The following GABRG1 variants were observed in gnomAD, a reference collection of about 807,000 sequenced individuals.
GABRG1 encodes gamma-aminobutyric acid receptor subunit gamma-1.
Under a neutral mutation model 49.8 loss-of-function variants are expected in GABRG1, and 49 were observed. The ratio of observed to expected loss-of-function variants is 0.98; its 90% confidence interval spans 0.78 to 1.25. The LOEUF is 1.25. GABRG1 is among the 50% of genes most tolerant of loss of function. The pLI is 0.00. For missense variants in GABRG1, 552 were observed against 552.3 expected, an observed-to-expected ratio of 1.00 and a Z score of 0.01; for synonymous variants, 232 against 185.1, an observed-to-expected ratio of 1.25 and a Z score of -2.06.
In GABRG1 at chr4:46,039,305, C is replaced by T. The variant is rs1015274071; in HGVS notation, c.*1683G>A. The T allele has an allele frequency of 2.0e-5, 3 of 150,342 alleles. No individual in the cohort carries two copies. Among genetic ancestry groups the T allele is most frequent in the Admixed American group, 1.3e-4 (2 of 15,028 alleles). The allele number at this position is 150,342 out of a possible 1,614,324, so 9.3% of individuals were successfully genotyped here. A position where few individuals can be genotyped will look rare whatever the true frequency, so the allele number is the denominator to read the frequency against. On this transcript the variant is annotated 3_prime_UTR_variant, in exon 9 of 9. Transcript: ENST00000295452. ...CCATTTGATTCATGCTTATTTTTTT[C>T]CAGAAGTTTATGAGCAAGTGAAAAA...
intron 8 of GABRG1, 33 bp from the exon 9 acceptor site, chr4:46,041,287 A>C (rs1393352914): frequency 2.5e-6 from 4 of 1,599,626 alleles, no homozygotes; most frequent in Admixed American, 3.4e-5. Flanking sequence ...TTTTGACATC[A>C]AAAAAGTAGC....
intron 1 of GABRG1, among the ~76,000 whole-genome samples, chr4:46,106,910 T>A (rs1241923080): frequency 6.6e-6 from 1 of 151,224 alleles, no homozygotes; most frequent in Non-Finnish European, 1.5e-5. Context: ...ATTTAATCAT[T>A]TTTTTAATTA....
intron 3 of GABRG1, among the ~76,000 whole-genome samples, chr4:46,072,083 A>G (rs1560359009): frequency 1.3e-5 from 2 of 152,046 alleles, no homozygotes; most frequent in Non-Finnish European, 1.5e-5. Flanking sequence ...TTTATACCAT[A>G]TTTTTACTGT....
At chr4:46,091,696 T>A (rs1497577) in intron 2 of GABRG1, among the ~76,000 whole-genome samples, 69,951 of 151,730 alleles carry the variant, frequency 0.46, 16,427 homozygotes, top group Non-Finnish European at 0.5. Flanking sequence ...TGAGATGTAA[T>A]GACATAGCAG....
chr4:46,058,352 T>A lies in GABRG1; in HGVS notation c.781A>T (p.Thr261Ser). 1 of 1,611,586 alleles carries A rather than the reference T, an allele frequency of 6.2e-7. No individual in the cohort carries two copies. The highest frequency in any genetic ancestry group is 8.5e-7 in the Non-Finnish European group (1 of 1,179,006). Reference sequence around the variant, plus strand: ...CTTCTGCTCAGGTCAAAAAAAATTGTCATGATAACATAATCCCCTGTAAGA... The same window carrying A: ...CTTCTGCTCAGGTCAAAAAAAATTGACATGATAACATAATCCCCTGTAAGA... ...HTISGDYVIM[T>S]IFFDLSRRMG... Residue 261 changes from threonine to serine, a missense_variant, in exon 7 of 9, where the codon ACA becomes TCA. Transcript: ENST00000295452.
In GABRG1 at chr4:46,096,272, T is replaced by C. The variant is rs1256040174; in HGVS notation, c.253+929A>G. ...AATAGAAAAATATCATTAATTGTTG[T>C]ATGGACAGTATGTGGGAGTTAAATA... On this transcript the variant is annotated intron_variant, in intron 2 of 8. Transcript: ENST00000295452. Among the ~76,000 whole-genome samples, 3 of 151,732 alleles carry C rather than the reference T, an allele frequency of 2.0e-5. No homozygotes were observed. In the East Asian group the frequency reaches 5.8e-4, roughly 29 times the overall value.
chr4:46,053,131 T>A (rs926473472), intron 7 of GABRG1, among the ~76,000 whole-genome samples: 1 of 151,888 alleles, frequency 6.6e-6, no homozygotes, highest in African/African-American at 2.4e-5. Context: ...CTTAATTTAA[T>A]TATTTGTCTT....
At chr4:46,048,949 A>G (rs1404711225) in intron 8 of GABRG1, among the ~76,000 whole-genome samples, 1 of 151,972 alleles carries the variant, frequency 6.6e-6, no homozygotes, top group African/African-American at 2.4e-5. Flanking sequence ...ATGTCAGGAA[A>G]AGGATTTTAA....
chr4:46,065,708 GA>G (rs544742792), intron 3 of GABRG1, 124 bp from the exon 4 acceptor site: 40 of 592,488 alleles, frequency 6.8e-5, no homozygotes, highest in African/African-American at 6.6e-4. Context: ...CTTTTCGGAG[GA>G]AAAAAATGCC....
chr4:46,065,444 T>C lies in GABRG1; in HGVS notation c.462A>G (p.Arg154=). 1 of 1,613,662 alleles carries C rather than the reference T, an allele frequency of 6.2e-7. No homozygotes were observed. Among genetic ancestry groups the C allele is most frequent in the Non-Finnish European group, 8.5e-7 (1 of 1,179,786 alleles). The change falls in exon 4 of 9, where the codon AGA becomes AGG. Residue 154 remains arginine (R), a synonymous_variant. Transcript: ENST00000295452. ...TTGTTATCCAGTGAGCATCAGATTT[T>C]CTTGAGTTTCTGAAGAAAGTGTCAG... The part of the protein sequence containing the change: ...WIPDTFFRNS[R]KSDAHWITTP...
At chr4:46,070,070 G>T (rs1719060974) in intron 3 of GABRG1, among the ~76,000 whole-genome samples, 1 of 151,944 alleles carries the variant, frequency 6.6e-6, no homozygotes, top group African/African-American at 2.4e-5. Context: ...GACATCTTCT[G>T]TATGTCAGGG....
At chr4:46,077,849 A>G (rs1296754815) in intron 3 of GABRG1, among the ~76,000 whole-genome samples, 1 of 151,766 alleles carries the variant, frequency 6.6e-6, no homozygotes, top group African/African-American at 2.4e-5. Flanking sequence ...AAGAAATAAA[A>G]TTATTTTGAT....
intron 7 of GABRG1, among the ~76,000 whole-genome samples, chr4:46,056,288 T>G (rs998479580): frequency 2.6e-5 from 4 of 151,926 alleles, no homozygotes; most frequent in Non-Finnish European, 5.9e-5. Flanking sequence ...TCTGTGACTA[T>G]TCATTCAGCT....
intron 2 of GABRG1, among the ~76,000 whole-genome samples, chr4:46,086,561 T>C (rs1560365143): frequency 6.6e-6 from 1 of 151,622 alleles, no homozygotes; most frequent in African/African-American, 2.4e-5. Flanking sequence ...TGGAGAGTTT[T>C]ATAGACTTTT....
chr4:46,045,948 A>C (rs1297727934), intron 8 of GABRG1, among the ~76,000 whole-genome samples: 1 of 152,258 alleles, frequency 6.6e-6, no homozygotes, highest in East Asian at 1.9e-4. Context: ...TTTGTACCAA[A>C]GAGTTATAGA....
intron 1 of GABRG1, among the ~76,000 whole-genome samples, chr4:46,121,355 T>A (rs1721085482): frequency 6.6e-6 from 1 of 151,964 alleles, no homozygotes; most frequent in Admixed American, 6.6e-5. Flanking sequence ...TTAGCATCTG[T>A]TACCTCCAAC....
intron 4 of GABRG1, among the ~76,000 whole-genome samples, chr4:46,064,873 C>G (rs1225110727): frequency 1.3e-5 from 2 of 152,008 alleles, no homozygotes; most frequent in African/African-American, 4.8e-5. Context: ...GTAATTTTTT[C>G]TCTTGGTTTA....
At chr4:46,102,312 G>C (rs1332946551) in intron 1 of GABRG1, among the ~76,000 whole-genome samples, 1 of 151,538 alleles carries the variant, frequency 6.6e-6, no homozygotes, top group Non-Finnish European at 1.5e-5. Context: ...GTCAATAACT[G>C]AACATAGTAG....
chr4:46,049,549 C>T (rs781611697), intron 8 of GABRG1, among the ~76,000 whole-genome samples: 1 of 151,622 alleles, frequency 6.6e-6, no homozygotes, highest in Non-Finnish European at 1.5e-5. Flanking sequence ...CCATTTAGTA[C>T]TTCAATACTA....
Sources: allele counts gnomAD v4.1 joint callset (sites outside exome capture counted in the v4.1 genomes callset), GRCh38; gene constraint gnomAD v4.1.1; transcripts MANE v1.5; gene names NCBI Gene and HGNC (gene_info 2026-07-23, HGNC 2026-07-21).